CNTN5: variants seen among roughly 807,000 people sequenced by gnomAD.
The protein encoded by CNTN5 is contactin 5.
A neutral mutation model predicts 129.1 loss-of-function variants in CNTN5; 77 were observed. The ratio of observed to expected loss-of-function variants is 0.60; its 90% CI spans 0.50 to 0.72. The LOEUF is 0.72. Ranked by LOEUF, CNTN5 falls within the 30% of genes least tolerant of loss-of-function variation. CNTN5 has a pLI of 0.00. For missense variants in CNTN5, 1,478 were observed against 1,328.8 expected (o/e 1.11, Z -1.75); for synonymous variants, 509 against 465.6 (o/e 1.09, Z -1.20).
chr11:99,941,865 T>A (rs149802442), intron 7 of CNTN5, among the ~76,000 whole-genome samples: 91 of 152,112 alleles, frequency 6.0e-4, no homozygotes, highest in Admixed American at 2.0e-3. Flanking sequence ...TCAGGCAAAA[T>A]CATGTCAGTC....
intron 17 of CNTN5, among the ~76,000 whole-genome samples, chr11:100,264,717 GA>G (rs1950267396): frequency 6.6e-6 from 1 of 151,938 alleles, no homozygotes; most frequent in South Asian, 2.1e-4. Flanking sequence ...CTTTATAGTA[GA>G]ATGATTTGTA....
chr11:99,765,351 C>T (rs1340123026), intron 3 of CNTN5, among the ~76,000 whole-genome samples: 1 of 151,660 alleles, frequency 6.6e-6, no homozygotes, highest in Non-Finnish European at 1.5e-5. Context: ...ATGTGTTTCA[C>T]TCACTGGGGA....
intron 7 of CNTN5, among the ~76,000 whole-genome samples, chr11:99,935,726 G>A (rs1163085288): frequency 6.6e-6 from 1 of 152,044 alleles, no homozygotes; most frequent in Non-Finnish European, 1.5e-5. Flanking sequence ...CAAAAAGAGT[G>A]TAACAATATA....
intron 3 of CNTN5, among the ~76,000 whole-genome samples, chr11:99,613,746 A>G (rs1950668730): frequency 6.6e-6 from 1 of 152,226 alleles, no homozygotes; most frequent in Non-Finnish European, 1.5e-5. Flanking sequence ...TGAGGATAAT[A>G]GATACTTGCA....
intron 4 of CNTN5, among the ~76,000 whole-genome samples, chr11:99,843,069 A>G (rs1947566317): frequency 6.6e-6 from 1 of 152,184 alleles, no homozygotes; most frequent in Non-Finnish European, 1.5e-5. Context: ...TGTCTCTACT[A>G]AAAATACAAA....
chr11:99,505,008 T>C (rs1946565613), intron 2 of CNTN5, among the ~76,000 whole-genome samples: 2 of 152,216 alleles, frequency 1.3e-5, no homozygotes, highest in African/African-American at 4.8e-5. Flanking sequence ...TAATAAATTC[T>C]TAAGTCAGAT....
intron 8 of CNTN5, among the ~76,000 whole-genome samples, chr11:99,983,268 G>C (rs1259903148): frequency 6.6e-6 from 1 of 152,142 alleles, no homozygotes; most frequent in African/African-American, 2.4e-5. Flanking sequence ...ACAGAGATAA[G>C]GTTTAAAAAT....
intron 17 of CNTN5, among the ~76,000 whole-genome samples, chr11:100,266,901 G>A (rs976101692): frequency 5.9e-5 from 9 of 151,984 alleles, no homozygotes; most frequent in Non-Finnish European, 2.9e-5. Flanking sequence ...GCGCCTTTTA[G>A]GAAGTGTTCT....
At chr11:99,756,261 A>G (rs1272417439) in intron 3 of CNTN5, among the ~76,000 whole-genome samples, 1 of 152,132 alleles carries the variant, frequency 6.6e-6, no homozygotes, top group African/African-American at 2.4e-5. Context: ...TAAAGATTGG[A>G]AGAAAAGTTA....
chr11:99,914,048 C>CA (rs975695496), intron 6 of CNTN5, among the ~76,000 whole-genome samples: 5 of 152,004 alleles, frequency 3.3e-5, no homozygotes, highest in African/African-American at 7.2e-5. Flanking sequence ...CCAGTGTTGG[C>CA]AACATAGCGA....
chr11:99,904,857 C>A (rs538164950), intron 6 of CNTN5, among the ~76,000 whole-genome samples: 1 of 152,292 alleles, frequency 6.6e-6, no homozygotes, highest in Non-Finnish European at 1.5e-5. Flanking sequence ...GATGGTATCT[C>A]TTTGTGGTTT....
chr11:99,722,117 C>G (rs1943192841), intron 3 of CNTN5, among the ~76,000 whole-genome samples: 2 of 152,122 alleles, frequency 1.3e-5, no homozygotes, highest in African/African-American at 4.8e-5. Context: ...TTCAATCCAG[C>G]AATCCCATTA....
intron 18 of CNTN5, among the ~76,000 whole-genome samples, chr11:100,291,026 A>G (rs1242372488): frequency 6.7e-6 from 1 of 149,756 alleles, no homozygotes; most frequent in Admixed American, 6.6e-5. Flanking sequence ...ATCACTGGCC[A>G]TCAGAGAAAT....
At chr11:99,822,740 A>C (rs1189844856) in intron 4 of CNTN5, among the ~76,000 whole-genome samples, 1 of 152,232 alleles carries the variant, frequency 6.6e-6, no homozygotes, top group Non-Finnish European at 1.5e-5. Context: ...AGACACTAAA[A>C]TGTCTCACAG....
chr11:99,309,499 C>A (rs1170222058), intron 1 of CNTN5, among the ~76,000 whole-genome samples: 2 of 152,248 alleles, frequency 1.3e-5, no homozygotes, highest in Non-Finnish European at 2.9e-5. Flanking sequence ...TGCCTCCCAG[C>A]AGCTGCTGCC....
At chr11:100,016,188 A>G (rs1591059499) in intron 9 of CNTN5, among the ~76,000 whole-genome samples, 1 of 152,244 alleles carries the variant, frequency 6.6e-6, no homozygotes, top group East Asian at 1.9e-4. Context: ...TCAGTGCATC[A>G]TACAACTTGA....
At chr11:99,790,231 A>G (rs1284993233) in intron 3 of CNTN5, among the ~76,000 whole-genome samples, 1 of 152,012 alleles carries the variant, frequency 6.6e-6, no homozygotes, top group Non-Finnish European at 1.5e-5. Flanking sequence ...TTGTTGTAGA[A>G]GTAAATTGTG....
At chr11:99,717,925 C>T (rs948989706) in intron 3 of CNTN5, among the ~76,000 whole-genome samples, 32 of 152,068 alleles carry the variant, frequency 2.1e-4, no homozygotes, top group African/African-American at 7.7e-4. Flanking sequence ...TCCAACTCAG[C>T]CATGACAATA....
chr11:99,130,990 C>T (rs112237276), intron 1 of CNTN5, among the ~76,000 whole-genome samples: 13,472 of 151,894 alleles, frequency 0.089, 739 homozygotes, highest in South Asian at 0.12. Flanking sequence ...TGGCTGGGTG[C>T]GGTGGCTCAC....
Sources: gnomAD v4.1 joint callset for allele counts (sites outside exome capture counted in the v4.1 genomes callset) on GRCh38, gnomAD v4.1.1 for gene constraint, MANE v1.5 for transcripts, NCBI Gene and HGNC (gene_info 2026-07-23, HGNC 2026-07-21) for gene names.